RGSL1: variants seen among roughly 807,000 people sequenced by gnomAD.
The protein encoded by RGSL1 is regulator of G protein signaling like 1.
In RGSL1, 97 loss-of-function variants were observed where a neutral mutation model predicts 124.7. The ratio of observed to expected loss-of-function variants is 0.78; its 90% CI spans 0.66 to 0.92. RGSL1 has a LOEUF of 0.92. Among genes scored for constraint, RGSL1 ranks in the 40% least tolerant of loss-of-function variants. The probability of loss-of-function intolerance (pLI) is 0.00; values close to 1 mark genes in which losing one functional copy is unlikely to be tolerated. For synonymous variants in RGSL1, 424 were observed against 438.1 expected (o/e 0.97, Z 0.40); for missense variants, 1,233 against 1,288.4 (o/e 0.96, Z 0.66).
At chr1:182,500,721 C>T (rs1656284537) in intron 9 of RGSL1, among the ~76,000 whole-genome samples, 1 of 152,090 alleles carries the variant, frequency 6.6e-6, no homozygotes, top group Non-Finnish European at 1.5e-5. Context: ...TTCATGATTA[C>T]ATTTATAAGT....
At chr1:182,552,739 C>T (rs574983) in intron 18 of RGSL1, among the ~76,000 whole-genome samples, 16,216 of 152,226 alleles carry the variant, frequency 0.11, 924 homozygotes, top group Non-Finnish European at 0.13. Flanking sequence ...ACACTAACAT[C>T]TGGCAAAGGG....
At chr1:182,490,155 C>T (rs1360506048) in intron 8 of RGSL1, among the ~76,000 whole-genome samples, 3 of 152,082 alleles carry the variant, frequency 2.0e-5, no homozygotes, top group African/African-American at 7.2e-5. Flanking sequence ...AACAATGTCA[C>T]CATTTATTTT....
chr1:182,527,767 C>T lies in RGSL1; in HGVS notation c.2120C>T (p.Ser707Phe), dbSNP rs1326048160. 3.2e-6 allele frequency: 5 copies of T among 1,549,062 alleles called. No homozygotes were observed. Among genetic ancestry groups the T allele is most frequent in the Non-Finnish European group, 4.4e-6 (5 of 1,145,366 alleles). Residue 707 changes from serine (S) to phenylalanine (F), a missense_variant, in exon 11 of 22, where the codon TCT becomes TTT. By Grantham distance (155) the Ser-to-Phe change is radical. Coordinates refer to ENST00000294854, the MANE Select transcript of RGSL1 (RefSeq NM_001137669.2). ...AAGACTTTCTTCCAAGGCCAACTCT[C>T]TCCTGGTATGCATCCTCTTCTGATC... ...VIKTFFQGQLSPEEMLQCDAP... is the reference protein window; with the variant it reads ...VIKTFFQGQLFPEEMLQCDAP...
At chr1:182,525,184 G>A (rs1252385710) in intron 10 of RGSL1, among the ~76,000 whole-genome samples, 1 of 152,064 alleles carries the variant, frequency 6.6e-6, no homozygotes, top group Non-Finnish European at 1.5e-5. Context: ...AGACTCCAGG[G>A]TTGTGATAAT....
At position 182,488,351 on chromosome 1, in the gene RGSL1, G is replaced by A. The variant is rs1480414165; in HGVS notation, c.1494+4G>A. ...CTACTGGTTTCTCCTTTTTACGGTA[G>A]GAAGGACTTTGGGTTAGGAAGGAAT... On this transcript the variant is annotated splice_donor_region_variant and intron_variant, in intron 7 of 21. Coordinates refer to ENST00000294854, the MANE Select transcript of RGSL1 (RefSeq NM_001137669.2). 1.9e-6 allele frequency: 3 copies of A among 1,552,078 alleles called. No individual in the cohort carries two copies. The highest frequency in any genetic ancestry group is 2.0e-5 in the Admixed American group (1 of 51,008).
chr1:182,460,166 G>T, intron 4 of RGSL1, 33 bp downstream of exon 4: 1 of 1,474,984 alleles, frequency 6.8e-7, no homozygotes, highest in Non-Finnish European at 9.1e-7. Context: ...GTGTCTGTGT[G>T]TGTGTGTGTG....
At chr1:182,458,220 G>T (rs2765278) in intron 2 of RGSL1, 99 bp from the exon 3 acceptor site, 13 of 796,674 alleles carry the variant, frequency 1.6e-5, no homozygotes, top group East Asian at 2.7e-5. Context: ...AAATAAAAGA[G>T]CCATGGAACC....
intron 8 of RGSL1, among the ~76,000 whole-genome samples, chr1:182,490,112 TTA>T (rs1441683985): frequency 6.6e-6 from 1 of 152,214 alleles, no homozygotes; most frequent in African/African-American, 2.4e-5. Context: ...CCAGCATTCT[TTA>T]TTCTATTATG....
chr1:182,505,617 T>A (rs1332403848), intron 9 of RGSL1, among the ~76,000 whole-genome samples: 1 of 152,200 alleles, frequency 6.6e-6, no homozygotes, highest in Non-Finnish European at 1.5e-5. Flanking sequence ...TATCTTTTAA[T>A]CCATGGATTT....
At chr1:182,491,135 G>A (rs565894235) in intron 8 of RGSL1, among the ~76,000 whole-genome samples, 5 of 151,780 alleles carry the variant, frequency 3.3e-5, no homozygotes, top group Admixed American at 1.3e-4. Flanking sequence ...CCATCCTCCT[G>A]TCTTGGCTTC....
At chr1:182,538,527 CA>C (rs61393640) in intron 14 of RGSL1, among the ~76,000 whole-genome samples, 3,046 of 134,056 alleles carry the variant, frequency 0.023, 83 homozygotes, top group African/African-American at 0.072. Context: ...GACTCCCTCT[CA>C]AAAAAAAAAA....
chr1:182,481,151 A>G (rs527343063), intron 6 of RGSL1, among the ~76,000 whole-genome samples: 3 of 152,162 alleles, frequency 2.0e-5, no homozygotes, highest in Non-Finnish European at 4.4e-5. Context: ...TTTTAAAAAC[A>G]TAAAACTAAG....
chr1:182,545,410 CT>C (rs1173777568), intron 15 of RGSL1, among the ~76,000 whole-genome samples: 2 of 152,096 alleles, frequency 1.3e-5, no homozygotes, highest in African/African-American at 4.8e-5. Flanking sequence ...GTCTTTTAGG[CT>C]TCATACTAGA....
Position 182,532,767 on chromosome 1 carries a change from C to T in RGSL1, c.2470C>T (p.Gln824Ter), listed in dbSNP as rs140214137. Residue 824 changes from glutamine to a stop codon, truncating the protein, a stop_gained, in exon 14 of 22, where the codon CAG becomes TAG. Coordinates refer to ENST00000294854, the MANE Select transcript of RGSL1 (RefSeq NM_001137669.2). LOFTEE classifies it high-confidence loss of function. The stretch of plus-strand genomic sequence containing the variant: ...CCAGGAATTTGAAGACTATCTTCAC[C>T]AGGAAATGCAAAATAGCAAGGAAAG... ...KRQEFEDYLH[Q>*]EMQNSKENFT... 3 of 1,550,474 alleles carry T rather than the reference C, an allele frequency of 1.9e-6. No homozygotes were observed. Among genetic ancestry groups the T allele is most frequent in the Non-Finnish European group, 1.7e-6 (2 of 1,146,174 alleles).
chr1:182,517,282 G>GTTTTTTTTTTTTTTGTTT (rs33967101), intron 9 of RGSL1, among the ~76,000 whole-genome samples: 1 of 142,512 alleles, frequency 7.0e-6, no homozygotes, highest in African/African-American at 2.6e-5. Flanking sequence ...TTCTATTTCT[G>GTTTTTTTTTTTTTTGTTT]TTTTTTTTTT....
chr1:182,494,575 C>T (rs1400602802), intron 9 of RGSL1, among the ~76,000 whole-genome samples: 1 of 152,094 alleles, frequency 6.6e-6, no homozygotes, highest in Non-Finnish European at 1.5e-5. Context: ...CTGGTCTAGA[C>T]CTACAGAACC....
In RGSL1 at chr1:182,473,909, G is replaced by A. The variant is rs1355284079; in HGVS notation, c.798G>A (p.Leu266=). ...TGGTAGATCCTGACTCTTGGTCTCT[G>A]GAAATGGATCTCAAGCCAGATGCTA... The part of the protein sequence containing the change: ...WQLVDPDSWS[L]EMDLKPDAIG... Residue 266 remains leucine, a synonymous_variant, in exon 6 of 22, where the codon CTG becomes CTA. Coordinates refer to ENST00000294854, the MANE Select transcript of RGSL1 (RefSeq NM_001137669.2). 10 of 1,551,982 alleles carry A rather than the reference G, an allele frequency of 6.4e-6. No homozygotes were observed. The highest frequency in any genetic ancestry group is 7.8e-6 in the Non-Finnish European group (9 of 1,147,056).
At chr1:182,547,451 G>A (rs559134355) in intron 15 of RGSL1, among the ~76,000 whole-genome samples, 4 of 152,262 alleles carry the variant, frequency 2.6e-5, no homozygotes, top group South Asian at 2.1e-4. Flanking sequence ...CTGCTGCTCC[G>A]ATTCCCACCA....
intron 2 of RGSL1, among the ~76,000 whole-genome samples, chr1:182,456,448 C>T (rs569234456): frequency 1.3e-5 from 2 of 152,234 alleles, no homozygotes; most frequent in South Asian, 4.1e-4. Context: ...AGGCGTGCAC[C>T]ACCACGCCCA....
Sources: gnomAD v4.1 joint callset for allele counts (sites outside exome capture counted in the v4.1 genomes callset) on GRCh38, gnomAD v4.1.1 for gene constraint, MANE v1.5 for transcripts, NCBI Gene and HGNC (gene_info 2026-07-23, HGNC 2026-07-21) for gene names.